PPP2R5E: variants seen among roughly 807,000 people sequenced by gnomAD.
PPP2R5E encodes protein phosphatase 2 regulatory subunit B'epsilon, also known as serine/threonine-protein phosphatase 2A 56 kDa regulatory subunit epsilon isoform.
Under a neutral mutation model 65.3 loss-of-function variants are expected in PPP2R5E, and 4 were observed. The ratio of observed to expected loss-of-function variants is 0.06; its 90% CI spans 0.03 to 0.14. The LOEUF (loss-of-function observed/expected upper bound fraction) is 0.14. Among genes scored for constraint, PPP2R5E ranks in the 10% least tolerant of loss-of-function variants. PPP2R5E has a pLI of 1.00. For missense variants in PPP2R5E, 274 were observed against 556.1 expected, an observed-to-expected ratio of 0.49 and a Z score of 5.10; for synonymous variants, 183 against 187.4, an observed-to-expected ratio of 0.98 and a Z score of 0.19.
chr14:63,466,084 A>G (rs1889778177), intron 2 of PPP2R5E, among the ~76,000 whole-genome samples: 1 of 152,114 alleles, frequency 6.6e-6, no homozygotes, highest in South Asian at 2.1e-4. Context: ...TCCTTCCCCA[A>G]GAGATTACTT....
intron 2 of PPP2R5E, among the ~76,000 whole-genome samples, chr14:63,513,062 G>GA (rs1397018722): frequency 1.3e-5 from 2 of 151,964 alleles, no homozygotes; most frequent in African/African-American, 4.8e-5. Flanking sequence ...GGCTGGGGGG[G>GA]AAAAATTACC....
intron 3 of PPP2R5E, among the ~76,000 whole-genome samples, chr14:63,433,022 GTTTTGTTTTGTT>G (rs1887759637): frequency 8.5e-6 from 1 of 117,626 alleles, no homozygotes; most frequent in Non-Finnish European, 1.8e-5. Flanking sequence ...TTTGTTTTTT[GTTTTGTTTTGTT>G]TTTTTTTTTT....
intron 2 of PPP2R5E, among the ~76,000 whole-genome samples, chr14:63,484,404 G>A (rs1890882135): frequency 6.7e-6 from 1 of 149,054 alleles, no homozygotes; most frequent in Non-Finnish European, 1.5e-5. Flanking sequence ...CGTATCAAGT[G>A]TAAAGAAGAA....
chr14:63,499,644 T>C (rs1007332942), intron 2 of PPP2R5E, among the ~76,000 whole-genome samples: 4 of 151,998 alleles, frequency 2.6e-5, no homozygotes, highest in African/African-American at 7.3e-5. Context: ...GGAGAATCAC[T>C]TGGACCTGGG....
In PPP2R5E at chr14:63,395,349, AGAG is replaced by A. The variant is rs371259646; in HGVS notation, c.681-67_681-65del. 8.7e-4 allele frequency: 881 copies of A among 1,017,508 alleles called. 2 individuals carry two copies. Among genetic ancestry groups the A allele is most frequent in the South Asian group, 3.3e-3 (241 of 73,534 alleles). 63.0% of individuals were successfully genotyped at this position (1,017,508 alleles called of 1,614,324 possible). ...GGAGGAGGAGAAGGAAGGGATAAAAAGAGGAGGAGGAGGAGGAGAAGGGGGAGG... is the reference window on the plus strand; with the variant it reads ...GGAGGAGGAGAAGGAAGGGATAAAAAGAGGAGGAGGAGGAGAAGGGGGAGG... On this transcript the variant is annotated intron_variant, in intron 6 of 13. Transcript: ENST00000337537.
chr14:63,407,778 G>A (rs915652834), intron 5 of PPP2R5E, among the ~76,000 whole-genome samples: 2 of 152,108 alleles, frequency 1.3e-5, no homozygotes, highest in African/African-American at 4.8e-5. Context: ...GGTCATAAGG[G>A]CTCTGCCCTC....
At chr14:63,390,454 T>TA (rs1462566394) in intron 10 of PPP2R5E, among the ~76,000 whole-genome samples, 1 of 152,038 alleles carries the variant, frequency 6.6e-6, no homozygotes, top group Non-Finnish European at 1.5e-5. Flanking sequence ...GTTTTAAATA[T>TA]AATGGGAAAA....
chr14:63,478,121 T>C (rs28758626), intron 2 of PPP2R5E, among the ~76,000 whole-genome samples: 34,091 of 152,034 alleles, frequency 0.22, 4,096 homozygotes, highest in African/African-American at 0.3. Flanking sequence ...TAAAGGTTTT[T>C]ATGATGTGGA....
At chr14:63,483,244 A>G (rs1890799915) in intron 2 of PPP2R5E, among the ~76,000 whole-genome samples, 1 of 152,046 alleles carries the variant, frequency 6.6e-6, no homozygotes, top group Non-Finnish European at 1.5e-5. Flanking sequence ...GAACATGGGG[A>G]GGGGGGGTCA....
At chr14:63,512,052 C>T (rs945599802) in intron 2 of PPP2R5E, among the ~76,000 whole-genome samples, 13 of 137,508 alleles carry the variant, frequency 9.5e-5, no homozygotes, top group African/African-American at 3.4e-4. Flanking sequence ...GCACTCCAGC[C>T]TGGACGACAG....
chr14:63,455,519 G>C (rs528740760), intron 2 of PPP2R5E, among the ~76,000 whole-genome samples: 23 of 152,230 alleles, frequency 1.5e-4, no homozygotes, highest in African/African-American at 5.1e-4. Flanking sequence ...AGCACAATGT[G>C]TCTTGCAGTC....
chr14:63,440,491 G>A (rs1344273903), intron 3 of PPP2R5E, among the ~76,000 whole-genome samples: 3 of 151,900 alleles, frequency 2.0e-5, no homozygotes, highest in Non-Finnish European at 4.4e-5. Flanking sequence ...GCAAAATACA[G>A]GGAAGGGCTT....
chr14:63,477,410 G>A (rs576206179), intron 2 of PPP2R5E, among the ~76,000 whole-genome samples: 1 of 152,146 alleles, frequency 6.6e-6, no homozygotes, highest in Non-Finnish European at 1.5e-5. Context: ...GTTCTATGTG[G>A]TTTACAGAAA....
At chr14:63,502,304 G>A (rs1891929257) in intron 2 of PPP2R5E, among the ~76,000 whole-genome samples, 1 of 152,088 alleles carries the variant, frequency 6.6e-6, no homozygotes, top group Non-Finnish European at 1.5e-5. Context: ...TTCCCTTCTC[G>A]AAGTCCTGAG....
At position 63,396,690 on chromosome 14, in the gene PPP2R5E, G is replaced by A. The variant is rs1885415533; in HGVS notation, c.576C>T (p.Asp192=). 6.2e-7 allele frequency: 1 copy of A among 1,613,512 alleles called. No homozygotes were observed. The highest frequency in any genetic ancestry group is 8.5e-7 in the Non-Finnish European group (1 of 1,179,664). Residue 192 remains aspartate, a synonymous_variant, in exon 6 of 14, where the codon GAC becomes GAT. Transcript: ENST00000337537. ...TTTTTAAGTAGTCCCGTTCCCGAGG[G>A]TCTTCGCTGTCAAATAGCTCCAGAA... ...LQLLELFDSE[D]PRERDYLKTV...
chr14:63,449,047 C>T (rs920578067), intron 3 of PPP2R5E, among the ~76,000 whole-genome samples: 1 of 152,176 alleles, frequency 6.6e-6, no homozygotes, highest in African/African-American at 2.4e-5. Flanking sequence ...CAAAAGCTCT[C>T]GGTACTAATG....
intron 3 of PPP2R5E, among the ~76,000 whole-genome samples, chr14:63,448,418 G>C (rs780420748): frequency 3.3e-5 from 5 of 152,216 alleles, no homozygotes; most frequent in Non-Finnish European, 7.3e-5. Context: ...TTATCAATAT[G>C]TGACACAAAG....
chr14:63,376,134 A>T, intron 13 of PPP2R5E, 26 bp from the exon 14 acceptor site: 4 of 1,476,924 alleles, frequency 2.7e-6, no homozygotes, highest in Non-Finnish European at 3.8e-6. Flanking sequence ...AATACAATGT[A>T]AACAGCTGAG....
At chr14:63,541,039 T>C (rs1434869248) in intron 1 of PPP2R5E, among the ~76,000 whole-genome samples, 2 of 152,156 alleles carry the variant, frequency 1.3e-5, no homozygotes, top group Non-Finnish European at 2.9e-5. Flanking sequence ...AAACCCTTAG[T>C]GTACTTCAAG....
Sources: allele counts gnomAD v4.1 joint callset (sites outside exome capture counted in the v4.1 genomes callset), GRCh38; gene constraint gnomAD v4.1.1; transcripts MANE v1.5; gene names NCBI Gene and HGNC (gene_info 2026-07-23, HGNC 2026-07-21).